SMYD2: variants seen among roughly 807,000 people sequenced by gnomAD.
SMYD2 encodes N-lysine methyltransferase SMYD2.
SMYD2 carries 53 observed loss-of-function variants against 59.1 expected under a neutral mutation model. That is an observed-to-expected ratio of 0.90 (90% confidence interval 0.72 to 1.13). The LOEUF (loss-of-function observed/expected upper bound fraction) is 1.13, where lower values mean the gene tolerates loss of function less well. Ranked by LOEUF, SMYD2 falls within the 50% of genes most tolerant of loss-of-function variation. The pLI is 0.00. For missense variants in SMYD2, 494 were observed against 544.7 expected, an observed-to-expected ratio of 0.91 and a Z score of 0.93; for synonymous variants, 208 against 198.8, an observed-to-expected ratio of 1.05 and a Z score of -0.39.
chr1:214,335,885 T>C (rs1213746072), intron 11 of SMYD2, among the ~76,000 whole-genome samples: 2 of 152,216 alleles, frequency 1.3e-5, no homozygotes, highest in Non-Finnish European at 2.9e-5. Flanking sequence ...TGAAACCTGC[T>C]ACCTTTCTTT....
At chr1:214,329,028 G>A (rs934740090) in intron 7 of SMYD2, among the ~76,000 whole-genome samples, 1 of 152,190 alleles carries the variant, frequency 6.6e-6, no homozygotes, top group African/African-American at 2.4e-5. Flanking sequence ...GGAAGCTTCC[G>A]CATGTTGCAC....
rs373162557 is a variant in SMYD2, at chr1:214,316,832, C to T, written c.349-1247C>T. The stretch of plus-strand genomic sequence containing the variant: ...TGTTTCCCTGCAGGAGGTTAACTTT[C>T]GGATCCTTAATAACAGTTATTTTTA... On this transcript the variant is annotated intron_variant, in intron 3 of 11. Transcript: ENST00000366957. Among the ~76,000 whole-genome samples, 259 of 152,180 alleles carry T rather than the reference C, an allele frequency of 1.7e-3. 14 individuals carry two copies. In the South Asian group the frequency reaches 0.049, roughly 29 times the overall value.
intron 1 of SMYD2, among the ~76,000 whole-genome samples, chr1:214,284,713 A>C (rs1262212917): frequency 1.3e-5 from 2 of 151,816 alleles, no homozygotes; most frequent in African/African-American, 4.8e-5. Flanking sequence ...ACAGGGTTTC[A>C]TCATGTTGGC....
chr1:214,334,405 G>A (rs1266944905), intron 11 of SMYD2, 97 bp downstream of exon 11: 2 of 1,157,674 alleles, frequency 1.7e-6, no homozygotes, highest in Non-Finnish European at 2.6e-6. Flanking sequence ...TGAAGCAGTG[G>A]AGGGTGAGCA....
chr1:214,332,043 C>T lies in SMYD2; in HGVS notation c.963C>T (p.Cys321=), dbSNP rs1558058599. Residue 321 remains cysteine (C), a synonymous_variant, in exon 10 of 12, where the codon TGC becomes TGT. Transcript: ENST00000366957. The part of the protein sequence containing the change: ...YKSPSELLEI[C]ELSQEKMSSV... ...CCCCTAGTGAGCTGCTGGAGATCTG[C>T]GAGCTCAGCCAGGAGAAGATGAGCT... 6.2e-7 allele frequency: 1 copy of T among 1,613,428 alleles called. No homozygotes were observed. The highest frequency in any genetic ancestry group is 1.1e-5 in the South Asian group (1 of 91,018).
intron 1 of SMYD2, among the ~76,000 whole-genome samples, chr1:214,303,534 C>T (rs1177789970): frequency 6.6e-6 from 1 of 152,198 alleles, no homozygotes; most frequent in East Asian, 1.9e-4. Context: ...TTGAGGTCTG[C>T]AAACTTGGAA....
At chr1:214,306,881 C>A (rs1396700039) in intron 2 of SMYD2, among the ~76,000 whole-genome samples, 1 of 152,178 alleles carries the variant, frequency 6.6e-6, no homozygotes, top group African/African-American at 2.4e-5. Flanking sequence ...ATGAAACTGG[C>A]AAGTTATGGC....
At chr1:214,285,156 T>C (rs1656516083) in intron 1 of SMYD2, among the ~76,000 whole-genome samples, 1 of 150,258 alleles carries the variant, frequency 6.7e-6, no homozygotes, top group African/African-American at 2.5e-5. Context: ...CCAAACCCTG[T>C]GATTAAGGTG....
intron 1 of SMYD2, among the ~76,000 whole-genome samples, chr1:214,296,313 C>A (rs935421006): frequency 3.9e-5 from 6 of 152,330 alleles, no homozygotes; most frequent in Admixed American, 3.9e-4. Flanking sequence ...ATGACAGGAG[C>A]GTGTCTTCTA....
chr1:214,283,072 G>A (rs1656474708), intron 1 of SMYD2, among the ~76,000 whole-genome samples: 1 of 152,162 alleles, frequency 6.6e-6, no homozygotes, highest in Admixed American at 6.5e-5. Context: ...ATGGGTAGTT[G>A]CCAGCCCTGG....
At position 214,281,347 on chromosome 1, in the gene SMYD2, C is replaced by G. The variant is rs766204493; in HGVS notation, c.93C>G (p.Asp31Glu). The G allele has an allele frequency of 7.6e-6, 11 of 1,450,426 alleles. No individual in the cohort carries two copies. Among genetic ancestry groups the G allele is most frequent in the Admixed American group, 2.2e-5 (1 of 44,966 alleles). The allele number at this position is 1,450,426 out of a possible 1,614,324, so 89.8% of individuals were successfully genotyped here. A position where few individuals can be genotyped will look rare whatever the true frequency, so the allele number is the denominator to read the frequency against. ...LRALQPFQVG[D>E]LLFSCPAYAY... ...CTCTGCAGCCCTTCCAGGTGGGGGA[C>G]TTGCTGTTCTCCTGCCCGGCCTATG... Residue 31 changes from aspartate to glutamate, a missense_variant, in exon 1 of 12, where the codon GAC (aspartate) becomes GAG (glutamate). Asp to Glu is a conservative substitution (Grantham distance 45). Transcript: ENST00000366957.
At chr1:214,307,654 G>GT (rs1464584481) in intron 2 of SMYD2, among the ~76,000 whole-genome samples, 2 of 152,142 alleles carry the variant, frequency 1.3e-5, no homozygotes, top group African/African-American at 4.8e-5. Flanking sequence ...AAACTAACTT[G>GT]TTAGGCCTCA....
chr1:214,294,840 C>T (rs551569071), intron 1 of SMYD2, among the ~76,000 whole-genome samples: 55 of 152,222 alleles, frequency 3.6e-4, no homozygotes, highest in Admixed American at 1.2e-3. Context: ...TTCTGTTTTA[C>T]GGACAGAACG....
chr1:214,302,625 C>T (rs561726268), intron 1 of SMYD2, among the ~76,000 whole-genome samples: 2 of 152,150 alleles, frequency 1.3e-5, no homozygotes, highest in Non-Finnish European at 2.9e-5. Flanking sequence ...TTACTTCCTG[C>T]TCTTTATTAT....
intron 3 of SMYD2, among the ~76,000 whole-genome samples, chr1:214,317,036 T>G (rs1025629435): frequency 2.6e-5 from 4 of 152,164 alleles, no homozygotes; most frequent in African/African-American, 9.7e-5. Context: ...TAGTGATATG[T>G]TAAGAATTCA....
At chr1:214,286,509 A>T (rs1247627044) in intron 1 of SMYD2, among the ~76,000 whole-genome samples, 1 of 151,866 alleles carries the variant, frequency 6.6e-6, no homozygotes, top group Non-Finnish European at 1.5e-5. Flanking sequence ...GGTGGCTCAC[A>T]CCTGTAATCC....
chr1:214,302,709 C>A (rs6540818), intron 1 of SMYD2, among the ~76,000 whole-genome samples: 79,310 of 151,952 alleles, frequency 0.52, 21,559 homozygotes, highest in African/African-American at 0.68. Context: ...TTTTGATGAA[C>A]TCTCACTAGA....
chr1:214,314,954 T>A, intron 3 of SMYD2, 82 bp downstream of exon 3: 2 of 1,036,826 alleles, frequency 1.9e-6, no homozygotes, highest in Non-Finnish European at 3.0e-6. Context: ...TGACCTTTGG[T>A]AACCATCTCT....
chr1:214,324,832 A>G (rs1029764201), intron 6 of SMYD2, 124 bp downstream of exon 6: 9 of 831,774 alleles, frequency 1.1e-5, no homozygotes, highest in Non-Finnish European at 5.7e-6. Flanking sequence ...GTGAATTAAA[A>G]CAGCTTTTTA....
Sources: gnomAD v4.1 joint callset for allele counts (sites outside exome capture counted in the v4.1 genomes callset) on GRCh38, gnomAD v4.1.1 for gene constraint, MANE v1.5 for transcripts, NCBI Gene and HGNC (gene_info 2026-07-23, HGNC 2026-07-21) for gene names.